RBFOX1: variants seen among roughly 807,000 people sequenced by gnomAD.
The protein encoded by RBFOX1 is RNA binding fox-1 homolog 1, also known as RNA binding protein fox-1 homolog 1.
Under a neutral mutation model 57.7 loss-of-function variants are expected in RBFOX1, and 8 were observed. The observed-to-expected ratio is 0.14, with a 90% CI of 0.08 to 0.25. The LOEUF (loss-of-function observed/expected upper bound fraction) is 0.25, where lower values mean the gene tolerates loss of function less well. RBFOX1 is among the 10% of genes least tolerant of loss of function. RBFOX1 has a pLI of 1.00. For missense variants in RBFOX1, 611 were observed against 548.5 expected, an observed-to-expected ratio of 1.11 and a Z score of -1.14; for synonymous variants, 326 against 222.4, an observed-to-expected ratio of 1.47 and a Z score of -4.15.
intron 4 of RBFOX1, among the ~76,000 whole-genome samples, chr16:7,151,523 A>G (rs529776351): frequency 2.6e-5 from 4 of 152,314 alleles, no homozygotes; most frequent in Admixed American, 1.3e-4. Context: ...TGTAGCCTCT[A>G]GACCAGCACT....
intron 4 of RBFOX1, among the ~76,000 whole-genome samples, chr16:6,003,015 C>T (rs1290232541): frequency 6.6e-6 from 1 of 152,056 alleles, no homozygotes; most frequent in Admixed American, 6.5e-5. Context: ...CGTGGTGGCT[C>T]ATGCCTGTAA....
At chr16:5,717,974 C>A (rs918691676) in intron 3 of RBFOX1, among the ~76,000 whole-genome samples, 1 of 152,166 alleles carries the variant, frequency 6.6e-6, no homozygotes, top group African/African-American at 2.4e-5. Flanking sequence ...CTCTTCTGGA[C>A]AATGTTATGC....
At chr16:7,279,061 C>G (rs112680977) in intron 4 of RBFOX1, among the ~76,000 whole-genome samples, 16 of 148,828 alleles carry the variant, frequency 1.1e-4, no homozygotes, top group African/African-American at 3.7e-4. Flanking sequence ...TTATCTAATT[C>G]TAAAAGTGAC....
chr16:6,046,954 G>A (rs148889356), intron 1 of RBFOX1, among the ~76,000 whole-genome samples: 6 of 152,302 alleles, frequency 3.9e-5, no homozygotes, highest in African/African-American at 1.2e-4. Flanking sequence ...GGAGTTAATG[G>A]ATGTTGGGGA....
intron 4 of RBFOX1, among the ~76,000 whole-genome samples, chr16:7,296,794 C>A (rs2095901631): frequency 6.6e-6 from 1 of 152,134 alleles, no homozygotes; most frequent in African/African-American, 2.4e-5. Context: ...TTTAGACATT[C>A]ATGGTGTTTC....
At chr16:7,390,716 G>C (rs546036348) in intron 4 of RBFOX1, among the ~76,000 whole-genome samples, 8 of 152,108 alleles carry the variant, frequency 5.3e-5, no homozygotes, top group Non-Finnish European at 1.0e-4. Context: ...AGGAATTAGT[G>C]GTTATAAGAA....
At chr16:5,531,949 G>A (rs563749061) in intron 2 of RBFOX1, among the ~76,000 whole-genome samples, 1 of 152,050 alleles carries the variant, frequency 6.6e-6, no homozygotes, top group South Asian at 2.1e-4. Flanking sequence ...ACAGGCACCC[G>A]CCACCATTCC....
intron 2 of RBFOX1, among the ~76,000 whole-genome samples, chr16:6,632,653 A>G (rs1395620659): frequency 6.6e-6 from 1 of 152,204 alleles, no homozygotes; most frequent in African/African-American, 2.4e-5. Context: ...CACTCATGAC[A>G]CTGGGCCTGA....
At chr16:7,306,315 A>G (rs534433880) in intron 4 of RBFOX1, among the ~76,000 whole-genome samples, 46 of 152,300 alleles carry the variant, frequency 3.0e-4, no homozygotes, top group Middle Eastern at 3.4e-3. Flanking sequence ...GATAAACACA[A>G]AGGTTCTCAG....
intron 3 of RBFOX1, among the ~76,000 whole-genome samples, chr16:6,821,839 G>T (rs12923754): frequency 0.35 from 53,871 of 152,042 alleles, 11,540 homozygotes; most frequent in Non-Finnish European, 0.48. Flanking sequence ...ACATGAAGGT[G>T]CAGGCACTTG....
intron 3 of RBFOX1, among the ~76,000 whole-genome samples, chr16:5,646,742 C>G (rs1269277196): frequency 6.6e-6 from 1 of 152,146 alleles, no homozygotes; most frequent in Non-Finnish European, 1.5e-5. Context: ...TCACACCATT[C>G]TCCTGCCTTA....
intron 10 of RBFOX1, among the ~76,000 whole-genome samples, chr16:7,627,783 A>G (rs2142421518): frequency 6.6e-6 from 1 of 152,372 alleles, no homozygotes; most frequent in South Asian, 2.1e-4. Context: ...AGAAAAGGTC[A>G]CAAAGCACTA....
chr16:7,009,978 G>C (rs572520523), intron 3 of RBFOX1, among the ~76,000 whole-genome samples: 102 of 152,256 alleles, frequency 6.7e-4, no homozygotes, highest in Non-Finnish European at 1.3e-3. Context: ...TGGGAGGTAA[G>C]GCTTCCTGTG....
chr16:7,600,444 TG>T (rs370730543), intron 9 of RBFOX1, among the ~76,000 whole-genome samples: 108 of 152,210 alleles, frequency 7.1e-4, no homozygotes, highest in African/African-American at 2.4e-3. Flanking sequence ...ACAATATAAC[TG>T]AAAAAATATA....
chr16:7,215,461 A>T (rs7197590), intron 4 of RBFOX1, among the ~76,000 whole-genome samples: 1 of 152,144 alleles, frequency 6.6e-6, no homozygotes, highest in Non-Finnish European at 1.5e-5. Context: ...AATGTAGCAC[A>T]TATACACCAT....
intron 3 of RBFOX1, among the ~76,000 whole-genome samples, chr16:6,913,952 G>T (rs2072412256): frequency 6.6e-6 from 1 of 152,144 alleles, no homozygotes; most frequent in African/African-American, 2.4e-5. Flanking sequence ...TTATAATTAT[G>T]GATGATTTAT....
At chr16:6,645,933 A>G (rs536742241) in intron 2 of RBFOX1, among the ~76,000 whole-genome samples, 1 of 152,260 alleles carries the variant, frequency 6.6e-6, no homozygotes, top group Middle Eastern at 3.4e-3. Context: ...CCGGTAGGAT[A>G]AACCCTAGCA....
At chr16:7,594,259 A>G (rs1443511907) in intron 7 of RBFOX1, among the ~76,000 whole-genome samples, 1 of 152,118 alleles carries the variant, frequency 6.6e-6, no homozygotes, top group Non-Finnish European at 1.5e-5. Flanking sequence ...GGTTATAACT[A>G]CCATGTATTT....
intron 2 of RBFOX1, among the ~76,000 whole-genome samples, chr16:5,568,074 C>G (rs2046136028): frequency 6.6e-6 from 1 of 152,174 alleles, no homozygotes; most frequent in Non-Finnish European, 1.5e-5. Flanking sequence ...GATCTGATCC[C>G]ATCCTTCTCT....
Sources: gnomAD v4.1 joint callset for allele counts (sites outside exome capture counted in the v4.1 genomes callset) on GRCh38, gnomAD v4.1.1 for gene constraint, MANE v1.5 for transcripts, NCBI Gene and HGNC (gene_info 2026-07-23, HGNC 2026-07-21) for gene names.